Variants in MSRB3 observed in about 807,000 individuals in gnomAD.
MSRB3 encodes the protein methionine-R-sulfoxide reductase B3.
In MSRB3, 13 loss-of-function variants were observed where a neutral mutation model predicts 21.0. The observed-to-expected ratio is 0.62, with a 90% CI of 0.40 to 0.98. The LOEUF is 0.98. Ranked by LOEUF, MSRB3 falls within the 50% of genes least tolerant of loss-of-function variation. The pLI is 0.00. For missense variants in MSRB3, 199 were observed against 230.3 expected, an observed-to-expected ratio of 0.86 and a Z score of 0.88; for synonymous variants, 87 against 88.6, an observed-to-expected ratio of 0.98 and a Z score of 0.10.
intron 5 of MSRB3, among the ~76,000 whole-genome samples, chr12:65,408,981 C>A (rs2136620037): frequency 6.6e-6 from 1 of 152,268 alleles, no homozygotes; most frequent in Non-Finnish European, 1.5e-5. Flanking sequence ...TTCACTGTGA[C>A]AACCTGGTAG....
intron 5 of MSRB3, among the ~76,000 whole-genome samples, chr12:65,385,401 G>A (rs1879154528): frequency 2.0e-5 from 3 of 151,838 alleles, no homozygotes; most frequent in Admixed American, 1.3e-4. Flanking sequence ...TATTTTCATA[G>A]TTAGGAAAAC....
At chr12:65,278,887 C>T (rs930422680) in intron 1 of MSRB3, 22 bp downstream of exon 1, 2 of 1,550,318 alleles carry the variant, frequency 1.3e-6, no homozygotes, top group East Asian at 2.4e-5. Context: ...CTCCCCTCCC[C>T]TCTCCTCCTC....
At chr12:65,311,364 C>G (rs542002100) in intron 2 of MSRB3, among the ~76,000 whole-genome samples, 2 of 152,164 alleles carry the variant, frequency 1.3e-5, no homozygotes, top group East Asian at 1.9e-4. Context: ...AATTTCTCGA[C>G]CATTCAAGCA....
intron 1 of MSRB3, chr12:65,285,156 T>G (rs939010330): frequency 6.6e-6 from 1 of 152,206 alleles, no homozygotes; most frequent in Non-Finnish European, 1.5e-5. Context: ...ATAAAATAAT[T>G]ATTGATAACT....
chr12:65,386,382 T>A (rs762642234), intron 5 of MSRB3, among the ~76,000 whole-genome samples: 10 of 151,992 alleles, frequency 6.6e-5, no homozygotes, highest in Non-Finnish European at 1.5e-4. Context: ...ACTTACATGA[T>A]TCTGGGATCT....
chr12:65,358,363 T>A (rs1029600565), intron 4 of MSRB3, among the ~76,000 whole-genome samples: 11 of 151,854 alleles, frequency 7.2e-5, no homozygotes, highest in Admixed American at 7.2e-4. Flanking sequence ...TCAAGTCTTT[T>A]CTTTATTTAA....
chr12:65,367,065 C>A (rs1878053681), intron 4 of MSRB3, among the ~76,000 whole-genome samples: 1 of 152,164 alleles, frequency 6.6e-6, no homozygotes, highest in South Asian at 2.1e-4. Flanking sequence ...AGTGACACGG[C>A]TTGTGCATTT....
intron 4 of MSRB3, among the ~76,000 whole-genome samples, chr12:65,347,764 G>A (rs566229015): frequency 2.0e-5 from 3 of 152,134 alleles, no homozygotes; most frequent in East Asian, 3.9e-4. Context: ...TGTCCCATCA[G>A]TACCTAATTT....
chr12:65,444,750 T>C (rs549389785), intron 5 of MSRB3, among the ~76,000 whole-genome samples: 1 of 152,340 alleles, frequency 6.6e-6, no homozygotes, highest in Non-Finnish European at 1.5e-5. Flanking sequence ...GTCCTTTCTC[T>C]AGATTATGTG....
intron 4 of MSRB3, among the ~76,000 whole-genome samples, chr12:65,354,346 G>A (rs999607470): frequency 2.0e-5 from 3 of 151,946 alleles, no homozygotes; most frequent in Non-Finnish European, 2.9e-5. Context: ...CATTCTTCCC[G>A]TCACTTTCAG....
intron 5 of MSRB3, among the ~76,000 whole-genome samples, chr12:65,420,989 A>C (rs920697429): frequency 6.6e-6 from 1 of 152,166 alleles, no homozygotes; most frequent in Non-Finnish European, 1.5e-5. Flanking sequence ...ATCAGTAGTG[A>C]AACTGCTGGG....
rs186691742 is a variant in MSRB3 at position 65,376,724 on chromosome 12, A to G, written c.292+7698A>G. Among the ~76,000 whole-genome samples the G allele has an allele frequency of 3.3e-3, 505 of 152,254 alleles. 5 individuals are homozygous for G. The highest frequency in any genetic ancestry group is 0.011 in the African/African-American group (469 of 41,536). On this transcript the variant is annotated intron_variant, in intron 5 of 6. Coordinates refer to ENST00000308259, the MANE Select transcript of MSRB3 (RefSeq NM_001031679.3). The stretch of plus-strand genomic sequence containing the variant: ...AGGGATAGCATTAGGAGAAATACCT[A>G]ATGTAGATGACGGGTTGATAGGTGC...
chr12:65,339,001 C>T lies in MSRB3; in HGVS notation c.263+10398C>T, dbSNP rs193094463. 6.6e-4 allele frequency among the ~76,000 whole-genome samples: 101 copies of T among 152,148 alleles called. 1 individual carries two copies. The East Asian group carries it at 0.019, about 28-fold the overall frequency. On this transcript the variant is annotated intron_variant, in intron 4 of 6. Transcript: ENST00000308259. ...CTGAAGCAGGAGAATTGCTTGAACC[C>T]GGGAGGCGGAGGTTGCAGTGAGCCA...
intron 5 of MSRB3, among the ~76,000 whole-genome samples, chr12:65,420,643 A>G (rs1881243287): frequency 6.6e-6 from 1 of 152,006 alleles, no homozygotes; most frequent in African/African-American, 2.4e-5. Flanking sequence ...TGCTCCCTCA[A>G]GTAGGCCCCA....
intron 5 of MSRB3, among the ~76,000 whole-genome samples, chr12:65,436,547 A>G (rs1882126483): frequency 6.6e-6 from 1 of 151,890 alleles, no homozygotes; most frequent in South Asian, 2.1e-4. Flanking sequence ...ACAACAATAA[A>G]AATTCAAGAA....
intron 1 of MSRB3, among the ~76,000 whole-genome samples, chr12:65,287,824 G>A (rs1052922697): frequency 6.6e-5 from 10 of 152,110 alleles, no homozygotes; most frequent in African/African-American, 2.2e-4. Context: ...TTACATATTT[G>A]CATCCTTGTG....
chr12:65,454,399 G>A (rs955901564), intron 6 of MSRB3: 7 of 152,170 alleles, frequency 4.6e-5, no homozygotes, highest in African/African-American at 1.7e-4. Context: ...ATCTTCAATT[G>A]GCTCAGTAAA....
intron 4 of MSRB3, among the ~76,000 whole-genome samples, chr12:65,347,775 A>T (rs1478769419): frequency 6.6e-6 from 1 of 152,158 alleles, no homozygotes; most frequent in Non-Finnish European, 1.5e-5. Context: ...TACCTAATTT[A>T]TTGAGAGTTT....
At chr12:65,344,844 A>G (rs11175733) in intron 4 of MSRB3, among the ~76,000 whole-genome samples, 13,967 of 152,054 alleles carry the variant, frequency 0.092, 2,197 homozygotes, top group African/African-American at 0.32. Flanking sequence ...TACTTCAGTA[A>G]TTTGCAAACC....
Sources: allele counts gnomAD v4.1 joint callset (sites outside exome capture counted in the v4.1 genomes callset), GRCh38; gene constraint gnomAD v4.1.1; transcripts MANE v1.5; gene names NCBI Gene and HGNC (gene_info 2026-07-23, HGNC 2026-07-21).